Variants in CAST observed in about 807,000 individuals in gnomAD.
The protein encoded by CAST is calpastatin.
Under a neutral mutation model 119.6 loss-of-function variants are expected in CAST, and 76 were observed. That is an observed-to-expected ratio of 0.64 (90% CI 0.53 to 0.77). CAST has a LOEUF of 0.77. CAST is among the 30% of genes least tolerant of loss of function. CAST has a pLI of 0.00. For synonymous variants in CAST, 319 were observed against 331.6 expected (o/e 0.96, Z 0.41); for missense variants, 953 against 946.5 (o/e 1.01, Z -0.09).
chr5:96,477,291 T>A, the CAST span, among the ~76,000 whole-genome samples: 10,882 of 147,148 alleles, frequency 0.074, 868 homozygotes, highest in East Asian at 0.42. Context: ...AATAGAGATA[T>A]ATGCACGCAC....
chr5:96,368,266 A>T, the CAST span, among the ~76,000 whole-genome samples: 1 of 151,938 alleles, frequency 6.6e-6, no homozygotes, highest in Non-Finnish European at 1.5e-5. Context: ...TTGGGTGGCC[A>T]ATGCGGGTGG....
At chr5:96,647,383 T>C (rs1748027070) in intron 1 of CAST, among the ~76,000 whole-genome samples, 1 of 152,216 alleles carries the variant, frequency 6.6e-6, no homozygotes, top group Non-Finnish European at 1.5e-5. Flanking sequence ...CCTTGCTTTG[T>C]AAAACCGTTT....
At chr5:96,358,605 G>A in the CAST span, among the ~76,000 whole-genome samples, 4 of 152,124 alleles carry the variant, frequency 2.6e-5, no homozygotes, top group African/African-American at 9.7e-5. Flanking sequence ...AGTCATTCAG[G>A]AGCAGGCTGT....
At chr5:96,375,904 T>TATATATATAAATATATAAATATAA in the CAST span, among the ~76,000 whole-genome samples, 8 of 147,190 alleles carry the variant, frequency 5.4e-5, no homozygotes, top group East Asian at 1.9e-4. Flanking sequence ...TCTCTCTATA[T>TATATATATAAATATATAAATATAA]ATATATATAA....
intron 1 of CAST, among the ~76,000 whole-genome samples, chr5:96,632,957 T>G (rs1473151500): frequency 6.6e-6 from 1 of 152,174 alleles, no homozygotes; most frequent in African/African-American, 2.4e-5. Flanking sequence ...TGTCATTTTT[T>G]TAAAGTTTTT....
At chr5:96,395,682 T>C in the CAST span, among the ~76,000 whole-genome samples, 1 of 152,064 alleles carries the variant, frequency 6.6e-6, no homozygotes, top group African/African-American at 2.4e-5. Flanking sequence ...AGGAGAAATA[T>C]CTAATGTAGA....
At chr5:96,025,101 A>G in the CAST span, among the ~76,000 whole-genome samples, 1 of 152,220 alleles carries the variant, frequency 6.6e-6, no homozygotes, top group Non-Finnish European at 1.5e-5. Flanking sequence ...CTCCAAACTG[A>G]CCGAATTTAA....
the CAST span, among the ~76,000 whole-genome samples, chr5:96,017,376 C>T: frequency 6.6e-6 from 1 of 152,136 alleles, no homozygotes; most frequent in Non-Finnish European, 1.5e-5. Flanking sequence ...ATTTGTGTTT[C>T]ATTTCTTAAG....
At chr5:96,412,750 ATGTTTTT>A in the CAST span, among the ~76,000 whole-genome samples, 1 of 63,388 alleles carries the variant, frequency 1.6e-5, no homozygotes, top group African/African-American at 7.9e-5. Context: ...GGCAGCTGTG[ATGTTTTT>A]TTTTTTTTTT....
chr5:96,683,232 A>G (rs985198337), intron 2 of CAST, among the ~76,000 whole-genome samples: 3 of 152,216 alleles, frequency 2.0e-5, no homozygotes, highest in Non-Finnish European at 4.4e-5. Flanking sequence ...TTTCAGATGC[A>G]TGACACAAGT....
the CAST span, among the ~76,000 whole-genome samples, chr5:96,149,871 G>A: frequency 6.6e-6 from 1 of 152,168 alleles, no homozygotes; most frequent in African/African-American, 2.4e-5. Flanking sequence ...TCTTTCAGGA[G>A]CTTCTTTCAG....
chr5:96,711,641 TA>T (rs1323031408), intron 3 of CAST, among the ~76,000 whole-genome samples: 2 of 152,156 alleles, frequency 1.3e-5, no homozygotes, highest in Non-Finnish European at 2.9e-5. Context: ...TCACTACAAA[TA>T]GCAAGATTCT....
At chr5:96,277,037 G>A in the CAST span, among the ~76,000 whole-genome samples, 5 of 152,158 alleles carry the variant, frequency 3.3e-5, no homozygotes, top group South Asian at 2.1e-4. Flanking sequence ...CAACAGCTGC[G>A]TAGTATTCCA....
chr5:96,137,657 G>T, the CAST span, among the ~76,000 whole-genome samples: 4 of 152,066 alleles, frequency 2.6e-5, no homozygotes, highest in Non-Finnish European at 5.9e-5. Context: ...GCTAGCAATA[G>T]GCATCATCAG....
At chr5:96,730,887 G>C (rs143099999) in intron 9 of CAST, 27 bp downstream of exon 9, 6 of 1,515,028 alleles carry the variant, frequency 4.0e-6, no homozygotes, top group Non-Finnish European at 5.5e-6. Flanking sequence ...AGACGGAAAC[G>C]TGGGCCTCTG....
chr5:96,703,072 C>T (rs926804749), intron 3 of CAST, among the ~76,000 whole-genome samples: 6 of 152,168 alleles, frequency 3.9e-5, no homozygotes, highest in Non-Finnish European at 5.9e-5. Context: ...GCGACCCTGG[C>T]GATACCGTGC....
the CAST span, among the ~76,000 whole-genome samples, chr5:96,401,509 T>C: frequency 0.019 from 2,841 of 152,280 alleles, 95 homozygotes; most frequent in African/African-American, 0.064. Context: ...AAGGAAATAG[T>C]AAAATCATAA....
chr5:96,769,382 CA>C (rs1771309731), intron 29 of CAST: 1 of 146,748 alleles, frequency 6.8e-6, no homozygotes, highest in African/African-American at 2.5e-5. Context: ...ACACTGAAAA[CA>C]GGGTTTTTTT....
At chr5:96,498,856 A>T in the CAST span, among the ~76,000 whole-genome samples, 3 of 152,136 alleles carry the variant, frequency 2.0e-5, no homozygotes, top group Non-Finnish European at 2.9e-5. Context: ...TGACTGATGG[A>T]CATGGGGCTA....
Sources: gnomAD v4.1 joint callset for allele counts (sites outside exome capture counted in the v4.1 genomes callset) on GRCh38, gnomAD v4.1.1 for gene constraint, MANE v1.5 for transcripts, NCBI Gene and HGNC (gene_info 2026-07-23, HGNC 2026-07-21) for gene names.